APBB1IP: variants seen among roughly 807,000 people sequenced by gnomAD.
The protein encoded by APBB1IP is amyloid beta A4 precursor protein-binding family B member 1-interacting protein.
In APBB1IP, 27 loss-of-function variants were observed where a neutral mutation model predicts 64.9. That is an observed-to-expected ratio of 0.42 (90% CI 0.31 to 0.57). The LOEUF (loss-of-function observed/expected upper bound fraction) is 0.57. APBB1IP is among the 20% of genes least tolerant of loss of function. APBB1IP has a pLI of 0.20. For synonymous variants in APBB1IP, 392 were observed against 331.0 expected (o/e 1.18, Z -2.00); for missense variants, 812 against 845.5 (o/e 0.96, Z 0.49).
At chr10:26,447,444 G>A (rs1190493762) in intron 2 of APBB1IP, among the ~76,000 whole-genome samples, 1 of 151,136 alleles carries the variant, frequency 6.6e-6, no homozygotes, top group African/African-American at 2.4e-5. Flanking sequence ...AGATACGCCA[G>A]GCACCAGATG....
chr10:26,521,674 T>C (rs559053861), intron 8 of APBB1IP, among the ~76,000 whole-genome samples: 2 of 152,304 alleles, frequency 1.3e-5, no homozygotes, highest in South Asian at 2.1e-4. Context: ...TAGAAGAAGT[T>C]TGAAAAACCA....
At chr10:26,548,744 G>A (rs531598806) in intron 11 of APBB1IP, among the ~76,000 whole-genome samples, 1 of 152,162 alleles carries the variant, frequency 6.6e-6, no homozygotes, top group South Asian at 2.1e-4. Flanking sequence ...TTTTTTGGTG[G>A]AGTCTTTGAG....
intron 2 of APBB1IP, among the ~76,000 whole-genome samples, chr10:26,455,016 G>T (rs940321663): frequency 6.6e-6 from 1 of 152,200 alleles, no homozygotes; most frequent in Non-Finnish European, 1.5e-5. Flanking sequence ...TTTCATTTTT[G>T]ATGGCTGTCT....
intron 2 of APBB1IP, among the ~76,000 whole-genome samples, chr10:26,445,717 C>T (rs960453536): frequency 1.3e-5 from 2 of 152,146 alleles, no homozygotes; most frequent in African/African-American, 4.8e-5. Context: ...AAATCCAAAC[C>T]AGATTTGGAA....
chr10:26,518,296 G>A (rs1836358546), intron 8 of APBB1IP, among the ~76,000 whole-genome samples: 1 of 150,278 alleles, frequency 6.7e-6, no homozygotes, highest in African/African-American at 2.5e-5. Flanking sequence ...CACCCAGGCT[G>A]GAATGCAGTG....
chr10:26,548,014 G>A (rs1289328193), intron 11 of APBB1IP, among the ~76,000 whole-genome samples: 1 of 152,034 alleles, frequency 6.6e-6, no homozygotes, highest in Non-Finnish European at 1.5e-5. Flanking sequence ...CTATGTGTCT[G>A]TTTTTATGCC....
intron 2 of APBB1IP, among the ~76,000 whole-genome samples, chr10:26,457,691 C>G (rs1835542616): frequency 6.6e-6 from 1 of 152,188 alleles, no homozygotes; most frequent in South Asian, 2.1e-4. Flanking sequence ...ACCGGTAGGG[C>G]TGCCTGGTGG....
chr10:26,469,962 A>G (rs1173397752), intron 2 of APBB1IP, among the ~76,000 whole-genome samples: 1 of 152,034 alleles, frequency 6.6e-6, no homozygotes, highest in Non-Finnish European at 1.5e-5. Context: ...TTCCTCACTA[A>G]CTACAACCAA....
chr10:26,480,318 G>A (rs1401441391), intron 2 of APBB1IP, among the ~76,000 whole-genome samples: 1 of 152,170 alleles, frequency 6.6e-6, no homozygotes, highest in Non-Finnish European at 1.5e-5. Flanking sequence ...GTTGTGTTGT[G>A]TGCTGCTGCT....
intron 8 of APBB1IP, 70 bp from the exon 9 acceptor site, chr10:26,533,369 T>C: frequency 1.2e-6 from 1 of 869,452 alleles, no homozygotes. Context: ...CCAGCAAGAC[T>C]GTGAGTTCCT....
intron 2 of APBB1IP, among the ~76,000 whole-genome samples, chr10:26,476,350 A>G (rs1315339595): frequency 6.7e-6 from 1 of 150,212 alleles, no homozygotes; most frequent in African/African-American, 2.4e-5. Flanking sequence ...GGGAGGCTGA[A>G]GCAGGAGGAT....
intron 6 of APBB1IP, among the ~76,000 whole-genome samples, chr10:26,503,812 T>C (rs1439126063): frequency 6.6e-6 from 1 of 152,042 alleles, no homozygotes; most frequent in Non-Finnish European, 1.5e-5. Flanking sequence ...AATGTAGAGG[T>C]TTCCTTGGCT....
intron 2 of APBB1IP, among the ~76,000 whole-genome samples, chr10:26,478,723 T>C (rs1190812632): frequency 6.6e-6 from 1 of 150,534 alleles, no homozygotes; most frequent in East Asian, 1.9e-4. Context: ...AGGGAGTGAG[T>C]GTAGACCAAG....
chr10:26,554,063 G>A (rs1423664160), intron 11 of APBB1IP, among the ~76,000 whole-genome samples: 1 of 152,148 alleles, frequency 6.6e-6, no homozygotes, highest in Non-Finnish European at 1.5e-5. Context: ...GTAGTGGACA[G>A]TCTCACCTTC....
intron 14 of APBB1IP, among the ~76,000 whole-genome samples, chr10:26,564,032 T>G (rs535374970): frequency 1.3e-5 from 1 of 76,474 alleles, no homozygotes; most frequent in South Asian, 4.9e-4. Flanking sequence ...TTCAGAAATT[T>G]AAATAAAAAG....
intron 2 of APBB1IP, among the ~76,000 whole-genome samples, chr10:26,475,396 C>T (rs1835763750): frequency 6.6e-6 from 1 of 152,174 alleles, no homozygotes; most frequent in Admixed American, 6.5e-5. Flanking sequence ...AATGAGATTA[C>T]AGGCCGGAGC....
intron 2 of APBB1IP, among the ~76,000 whole-genome samples, chr10:26,482,145 T>C (rs1220705022): frequency 1.3e-5 from 2 of 152,212 alleles, no homozygotes; most frequent in Non-Finnish European, 2.9e-5. Flanking sequence ...ATTGTCCTTT[T>C]GATTCAGTAA....
At chr10:26,555,568 T>C (rs2132479901) in intron 11 of APBB1IP, among the ~76,000 whole-genome samples, 1 of 152,288 alleles carries the variant, frequency 6.6e-6, no homozygotes, top group Middle Eastern at 3.4e-3. Context: ...ATTGCCCAAT[T>C]AACACATGAG....
At chr10:26,461,379 A>T (rs1432732437) in intron 2 of APBB1IP, among the ~76,000 whole-genome samples, 1 of 152,094 alleles carries the variant, frequency 6.6e-6, no homozygotes, top group East Asian at 1.9e-4. Flanking sequence ...ATACTCTGTT[A>T]TTTTTCTACT....
Sources: allele counts gnomAD v4.1 joint callset (sites outside exome capture counted in the v4.1 genomes callset), GRCh38; gene constraint gnomAD v4.1.1; transcripts MANE v1.5; gene names NCBI Gene and HGNC (gene_info 2026-07-23, HGNC 2026-07-21).